Variants in ZBTB20 observed in about 807,000 individuals in gnomAD.
ZBTB20 encodes zinc finger and BTB domain containing 20.
A neutral mutation model predicts 56.9 loss-of-function variants in ZBTB20; 9 were observed. That is an observed-to-expected ratio of 0.16 (90% CI 0.10 to 0.28). The LOEUF (loss-of-function observed/expected upper bound fraction) is 0.28, where lower values mean the gene tolerates loss of function less well. ZBTB20 is among the 10% of genes least tolerant of loss of function. The probability of loss-of-function intolerance (pLI) is 1.00; values close to 1 mark genes in which losing one functional copy is unlikely to be tolerated. For missense variants in ZBTB20, 655 were observed against 1,003.0 expected, an observed-to-expected ratio of 0.65 and a Z score of 4.69; for synonymous variants, 417 against 420.7, an observed-to-expected ratio of 0.99 and a Z score of 0.11.
intron 7 of ZBTB20, among the ~76,000 whole-genome samples, chr3:114,469,518 T>C (rs907005553): frequency 6.6e-6 from 1 of 152,216 alleles, no homozygotes; most frequent in Admixed American, 6.5e-5. Context: ...CCTGCACTAC[T>C]TCCTTTCATA....
At chr3:115,089,006 A>G (rs1177318640) in intron 1 of ZBTB20, among the ~76,000 whole-genome samples, 1 of 151,878 alleles carries the variant, frequency 6.6e-6, no homozygotes. Context: ...TGCATTATCA[A>G]TTCCAAACTT....
At chr3:115,006,702 G>A (rs915862567) in intron 2 of ZBTB20, among the ~76,000 whole-genome samples, 3 of 151,650 alleles carry the variant, frequency 2.0e-5, no homozygotes, top group African/African-American at 7.3e-5. Flanking sequence ...CCTGGCACCT[G>A]AGCCTCTTCT....
chr3:114,516,932 C>G (rs2046066671), intron 6 of ZBTB20, among the ~76,000 whole-genome samples: 1 of 152,124 alleles, frequency 6.6e-6, no homozygotes, highest in South Asian at 2.1e-4. Flanking sequence ...TTGTTTAAGC[C>G]ACTCAGTTTG....
chr3:114,467,060 CAG>C (rs2092584020), intron 7 of ZBTB20, among the ~76,000 whole-genome samples: 1 of 152,152 alleles, frequency 6.6e-6, no homozygotes, highest in African/African-American at 2.4e-5. Flanking sequence ...GCAAGGGAAA[CAG>C]AAAGAGTCAA....
intron 5 of ZBTB20, among the ~76,000 whole-genome samples, chr3:114,745,224 A>G (rs897447145): frequency 1.3e-5 from 2 of 152,200 alleles, no homozygotes; most frequent in Non-Finnish European, 2.9e-5. Context: ...TAGAACAACA[A>G]CATCAACTAC....
intron 7 of ZBTB20, among the ~76,000 whole-genome samples, chr3:114,450,328 C>G (rs1168416173): frequency 6.6e-6 from 1 of 152,170 alleles, no homozygotes; most frequent in Non-Finnish European, 1.5e-5. Flanking sequence ...CAAAGCAAAA[C>G]TCAAATTTTT....
At chr3:114,706,277 C>T (rs1049319711) in intron 5 of ZBTB20, among the ~76,000 whole-genome samples, 2 of 152,096 alleles carry the variant, frequency 1.3e-5, no homozygotes, top group African/African-American at 2.4e-5. Context: ...AAGACCCCCT[C>T]ATAAAAGGGG....
At chr3:115,063,893 C>A (rs1391382723) in intron 2 of ZBTB20, among the ~76,000 whole-genome samples, 1 of 152,090 alleles carries the variant, frequency 6.6e-6, no homozygotes, top group Admixed American at 6.5e-5. Context: ...TTCTTTGATA[C>A]TACCTCATTT....
intron 2 of ZBTB20, among the ~76,000 whole-genome samples, chr3:114,990,313 G>A (rs566294198): frequency 3.9e-5 from 6 of 152,222 alleles, no homozygotes; most frequent in African/African-American, 9.6e-5. Flanking sequence ...TTAGCATGAA[G>A]GGTTGTTGAA....
chr3:114,402,926 G>C (rs556784360), intron 7 of ZBTB20, among the ~76,000 whole-genome samples: 1 of 152,304 alleles, frequency 6.6e-6, no homozygotes, highest in African/African-American at 2.4e-5. Flanking sequence ...TACTATGTCA[G>C]ACAGTTCCTT....
Position 114,712,546 on chromosome 3 carries a change from G to A in ZBTB20, c.-342-18971C>T, listed in dbSNP as rs529764583. Among the ~76,000 whole-genome samples, 8 of 151,668 alleles carry A rather than the reference G, an allele frequency of 5.3e-5. No homozygotes were observed. In the East Asian group the frequency reaches 5.8e-4, roughly 11 times the overall value. ...CGCATGCCTGTAATCCCAGCTACTC[G>A]GGAAGCTGAGGCAGGAGAATCCCTT... On this transcript the variant is annotated intron_variant, in intron 5 of 11. Transcript: ENST00000675478.
intron 7 of ZBTB20, among the ~76,000 whole-genome samples, chr3:114,483,678 C>T (rs1304330829): frequency 6.6e-6 from 1 of 152,176 alleles, no homozygotes; most frequent in Admixed American, 6.5e-5. Flanking sequence ...TCTCTCTCCT[C>T]ATCATGTAGG....
chr3:114,812,599 C>A (rs959307760), intron 4 of ZBTB20, among the ~76,000 whole-genome samples: 7 of 152,216 alleles, frequency 4.6e-5, no homozygotes, highest in African/African-American at 1.7e-4. Context: ...AGGCTCTCCA[C>A]GTCCCCACCA....
intron 1 of ZBTB20, among the ~76,000 whole-genome samples, chr3:115,109,517 C>A (rs1029750133): frequency 6.6e-6 from 1 of 152,156 alleles, no homozygotes; most frequent in African/African-American, 2.4e-5. Context: ...AATCCCCCAA[C>A]AGCATTAAAA....
chr3:114,836,892 A>C (rs551478499), intron 4 of ZBTB20, among the ~76,000 whole-genome samples: 1 of 152,346 alleles, frequency 6.6e-6, no homozygotes, highest in South Asian at 2.1e-4. Flanking sequence ...TATATAGTGC[A>C]ATAAGAAGAA....
At chr3:114,763,397 C>T (rs1312868528) in intron 5 of ZBTB20, among the ~76,000 whole-genome samples, 1 of 152,090 alleles carries the variant, frequency 6.6e-6, no homozygotes, top group African/African-American at 2.4e-5. Context: ...TAATTTAATG[C>T]TTTTCTATGT....
chr3:114,405,703 G>T (rs2087251758), intron 7 of ZBTB20, among the ~76,000 whole-genome samples: 1 of 152,028 alleles, frequency 6.6e-6, no homozygotes, highest in African/African-American at 2.4e-5. Flanking sequence ...TAGGGCTCTG[G>T]CATATCTCAC....
intron 1 of ZBTB20, among the ~76,000 whole-genome samples, chr3:115,132,088 C>T (rs1346127743): frequency 1.3e-5 from 2 of 152,030 alleles, no homozygotes; most frequent in African/African-American, 2.4e-5. Context: ...AAAAAATCTC[C>T]CAAGATTCTA....
In ZBTB20 at chr3:114,565,472, T is replaced by C. The variant is rs187297668; in HGVS notation, c.-294-65081A>G. Among the ~76,000 whole-genome samples the C allele has an allele frequency of 1.4e-3, 213 of 152,350 alleles. 1 individual carries two copies. The highest frequency in any genetic ancestry group is 4.9e-3 in the African/African-American group (203 of 41,586). On this transcript the variant is annotated intron_variant, in intron 6 of 11. Transcript: ENST00000675478. ...TTTCCAGCAGAGATTTAGCACAGAT[T>C]ACAAAATATCTGTTCTTGGCAACTT...
Sources: allele counts gnomAD v4.1 joint callset (sites outside exome capture counted in the v4.1 genomes callset), GRCh38; gene constraint gnomAD v4.1.1; transcripts MANE v1.5; gene names NCBI Gene and HGNC (gene_info 2026-07-23, HGNC 2026-07-21).